The following ADAMTS9 variants were observed in gnomAD, a reference collection of about 807,000 sequenced individuals.
ADAMTS9 encodes the protein A disintegrin and metalloproteinase with thrombospondin motifs 9.
In ADAMTS9, 107 loss-of-function variants were observed where a neutral mutation model predicts 257.1. The observed-to-expected ratio is 0.42, with a 90% CI of 0.36 to 0.49. The LOEUF is 0.49. Ranked by LOEUF, ADAMTS9 falls within the 20% of genes least tolerant of loss-of-function variation. The pLI, the probability that ADAMTS9 is intolerant of heterozygous loss-of-function variation, is 0.03. For synonymous variants in ADAMTS9, 982 were observed against 880.9 expected (o/e 1.11, Z -2.03); for missense variants, 2,353 against 2,469.1 (o/e 0.95, Z 1.00).
At chr3:64,535,601 T>G (rs2083039938) in intron 37 of ADAMTS9, among the ~76,000 whole-genome samples, 1 of 147,490 alleles carries the variant, frequency 6.8e-6, no homozygotes, top group African/African-American at 2.5e-5. Context: ...TCACCTAGGC[T>G]GGAGTGCAGT....
chr3:64,533,374 TG>T, intron 37 of ADAMTS9, 104 bp from the exon 38 acceptor site: 1 of 887,114 alleles, frequency 1.1e-6, no homozygotes, highest in Non-Finnish European at 1.8e-6. Flanking sequence ...AAGAGAAGGA[TG>T]TTGATTAATT....
chr3:64,605,777 AAC>A (rs904192845), intron 23 of ADAMTS9, among the ~76,000 whole-genome samples: 5 of 152,230 alleles, frequency 3.3e-5, no homozygotes, highest in Admixed American at 6.5e-5. Flanking sequence ...TGTGTACACA[AAC>A]ACACACATAT....
intron 30 of ADAMTS9, among the ~76,000 whole-genome samples, chr3:64,552,807 T>G (rs1169479098): frequency 6.6e-6 from 1 of 152,218 alleles, no homozygotes; most frequent in African/African-American, 2.4e-5. Context: ...TCCTCCTGCC[T>G]TGGCCTCCCA....
At position 64,686,566 on chromosome 3, in the gene ADAMTS9, A is replaced by G; in HGVS notation, c.516+2T>C. The G allele has an allele frequency of 6.2e-7, 1 of 1,602,862 alleles. No homozygotes were observed. Among genetic ancestry groups the G allele is most frequent in the Non-Finnish European group, 8.5e-7 (1 of 1,174,150 alleles). ...GAGAGGAGGTGGCGCGCGCCCACTTACCATTCCTGAGCAGAGGCTGATGAC... is the reference window on the plus strand; with the variant it reads ...GAGAGGAGGTGGCGCGCGCCCACTTGCCATTCCTGAGCAGAGGCTGATGAC... On this transcript the variant is annotated splice_donor_variant, in intron 2 of 39. Transcript: ENST00000498707. LOFTEE classifies it high-confidence loss of function. This position sits in a 1 kb window ranked among gnomAD's most constrained non-coding sequence, Gnocchi z 4.6.
intron 32 of ADAMTS9, among the ~76,000 whole-genome samples, chr3:64,542,430 C>CTTT (rs56812239): frequency 8.0e-6 from 1 of 124,564 alleles, no homozygotes; most frequent in Non-Finnish European, 1.6e-5. Context: ...TTCTTTCTTT[C>CTTT]TTTTTTTTTT....
At chr3:64,573,727 A>G (rs1265015505) in intron 28 of ADAMTS9, among the ~76,000 whole-genome samples, 1 of 152,240 alleles carries the variant, frequency 6.6e-6, no homozygotes, top group Non-Finnish European at 1.5e-5. Flanking sequence ...GATGCAACGC[A>G]TATGCCCAAG....
At chr3:64,661,702 T>C (rs982266006) in intron 3 of ADAMTS9, among the ~76,000 whole-genome samples, 1 of 152,178 alleles carries the variant, frequency 6.6e-6, no homozygotes, top group African/African-American at 2.4e-5. Context: ...TGGTGGATAT[T>C]TTCACGAAGA....
intron 39 of ADAMTS9, among the ~76,000 whole-genome samples, chr3:64,517,810 T>C (rs116680979): frequency 0.017 from 2,648 of 152,274 alleles, 32 homozygotes; most frequent in Middle Eastern, 0.075. Flanking sequence ...ACGTATATAA[T>C]GGTGATCTCT....
intron 28 of ADAMTS9, among the ~76,000 whole-genome samples, chr3:64,593,397 C>T (rs1295926131): frequency 6.6e-6 from 1 of 152,188 alleles, no homozygotes; most frequent in African/African-American, 2.4e-5. Context: ...ATACTAAATT[C>T]AGCTTCAGTG....
At chr3:64,574,483 G>A (rs367689321) in intron 28 of ADAMTS9, among the ~76,000 whole-genome samples, 1 of 149,766 alleles carries the variant, frequency 6.7e-6, no homozygotes, top group Non-Finnish European at 1.5e-5. Context: ...AGAATTTTGG[G>A]AGGCAGAGGT....
intron 28 of ADAMTS9, among the ~76,000 whole-genome samples, chr3:64,573,823 C>G (rs2083761692): frequency 6.6e-6 from 1 of 152,120 alleles, no homozygotes; most frequent in South Asian, 2.1e-4. Flanking sequence ...AAAGGAGATG[C>G]CAGCCTGTAC....
intron 11 of ADAMTS9, among the ~76,000 whole-genome samples, chr3:64,644,208 T>C (rs1350106601): frequency 2.6e-5 from 4 of 152,342 alleles, no homozygotes; most frequent in African/African-American, 9.6e-5. Context: ...ATATACAAAC[T>C]TAGTCCTCAC....
chr3:64,631,964 A>G (rs367971791), intron 14 of ADAMTS9, 39 bp from the exon 15 acceptor site: 3 of 1,453,478 alleles, frequency 2.1e-6, no homozygotes, highest in Non-Finnish European at 2.9e-6. Flanking sequence ...TGTAAGCATT[A>G]TAGAGATTAT....
chr3:64,640,228 A>G (rs1488086719), intron 12 of ADAMTS9, among the ~76,000 whole-genome samples: 1 of 152,208 alleles, frequency 6.6e-6, no homozygotes, highest in East Asian at 1.9e-4. Flanking sequence ...TGGGTTATGA[A>G]CAAAAATAAC....
chr3:64,564,702 C>G (rs78952517), intron 29 of ADAMTS9, among the ~76,000 whole-genome samples: 3,237 of 151,656 alleles, frequency 0.021, 129 homozygotes, highest in African/African-American at 0.075. Context: ...CCCCTTATTC[C>G]CCCCCAACTT....
intron 28 of ADAMTS9, chr3:64,582,480 T>A (rs1272643300): frequency 6.6e-6 from 1 of 152,160 alleles, no homozygotes; most frequent in Non-Finnish European, 1.5e-5. Context: ...CAAATATGTC[T>A]GGTAAATGCT....
intron 39 of ADAMTS9, among the ~76,000 whole-genome samples, chr3:64,520,444 T>C (rs1479322637): frequency 6.6e-6 from 1 of 152,198 alleles, no homozygotes; most frequent in Non-Finnish European, 1.5e-5. Flanking sequence ...AGAACTATTC[T>C]AAAATTGATA....
At chr3:64,672,126 G>C (rs1701505682) in intron 3 of ADAMTS9, among the ~76,000 whole-genome samples, 1 of 152,208 alleles carries the variant, frequency 6.6e-6, no homozygotes, top group Admixed American at 6.5e-5. Context: ...CCCTCTTCCA[G>C]AGTCTTCTGC....
chr3:64,589,388 G>C (rs146657475), intron 28 of ADAMTS9: 1 of 152,148 alleles, frequency 6.6e-6, no homozygotes, highest in Non-Finnish European at 1.5e-5. Flanking sequence ...TCTGAACATA[G>C]GTTGTTTCTT....
Sources: gnomAD v4.1 joint callset for allele counts (sites outside exome capture counted in the v4.1 genomes callset) on GRCh38, gnomAD v4.1.1 for gene constraint, Gnocchi (gnomAD v3.1) non-coding constraint, MANE v1.5 for transcripts, NCBI Gene and HGNC (gene_info 2026-07-23, HGNC 2026-07-21) for gene names.